The following LRP1B variants were observed in gnomAD, a reference collection of about 807,000 sequenced individuals.
The protein encoded by LRP1B is low-density lipoprotein receptor-related protein 1B.
LRP1B carries 217 observed loss-of-function variants against 556.6 expected under a neutral mutation model. That is an observed-to-expected ratio of 0.39 (90% CI 0.35 to 0.44). The LOEUF (loss-of-function observed/expected upper bound fraction) is 0.44, where lower values mean the gene tolerates loss of function less well. Ranked by LOEUF, LRP1B falls within the 20% of genes least tolerant of loss-of-function variation. The probability of loss-of-function intolerance (pLI) is 1.00; values close to 1 mark genes in which losing one functional copy is unlikely to be tolerated. For synonymous variants in LRP1B, 2,047 were observed against 1,865.8 expected (o/e 1.10, Z -2.50); for missense variants, 5,053 against 5,620.8 (o/e 0.90, Z 3.23).
intron 6 of LRP1B, among the ~76,000 whole-genome samples, chr2:141,205,257 A>G (rs1401313): frequency 0.39 from 58,571 of 152,016 alleles, 11,765 homozygotes; most frequent in East Asian, 0.71. Flanking sequence ...GCTACATTCA[A>G]TATGAGTTCA....
intron 83 of LRP1B, among the ~76,000 whole-genome samples, 165 bp downstream of exon 83, chr2:140,314,770 C>T (rs13012485): frequency 0.019 from 2,922 of 152,122 alleles, 42 homozygotes; most frequent in Middle Eastern, 0.031. Flanking sequence ...CTTTTATATA[C>T]TGAATTTAGA....
intron 2 of LRP1B, among the ~76,000 whole-genome samples, chr2:141,699,090 G>C (rs12622943): frequency 6.6e-6 from 1 of 151,548 alleles, no homozygotes; most frequent in East Asian, 1.9e-4. Flanking sequence ...ATTGGGAAGA[G>C]GTTTCTCTGT....
At chr2:141,558,621 G>T (rs961500418) in intron 2 of LRP1B, among the ~76,000 whole-genome samples, 1 of 151,732 alleles carries the variant, frequency 6.6e-6, no homozygotes, top group Non-Finnish European at 1.5e-5. Context: ...TTGTCCTGTT[G>T]TATCATGACT....
chr2:141,187,350 A>G (rs1457259812), intron 7 of LRP1B, among the ~76,000 whole-genome samples: 2 of 152,090 alleles, frequency 1.3e-5, no homozygotes, highest in East Asian at 1.9e-4. Flanking sequence ...AAGAGTGACG[A>G]AAGTCCACAT....
At chr2:140,384,910 T>G (rs1283228090) in intron 67 of LRP1B, among the ~76,000 whole-genome samples, 1 of 152,220 alleles carries the variant, frequency 6.6e-6, no homozygotes, top group Non-Finnish European at 1.5e-5. Context: ...TTAAACATGC[T>G]TGTATAGCTT....
chr2:140,288,274 C>G (rs571769816), intron 84 of LRP1B, among the ~76,000 whole-genome samples: 1 of 151,280 alleles, frequency 6.6e-6, no homozygotes, highest in Non-Finnish European at 1.5e-5. Flanking sequence ...GAGGTTATAT[C>G]TTTTATATAA....
intron 2 of LRP1B, among the ~76,000 whole-genome samples, chr2:141,610,294 GTAT>G (rs1688062495): frequency 2.1e-5 from 3 of 145,360 alleles, no homozygotes; most frequent in Admixed American, 7.0e-5. Context: ...CTGTGCACAT[GTAT>G]TATTATACTT....
intron 2 of LRP1B, 73 bp downstream of exon 2, chr2:141,810,206 A>G (rs991050673): frequency 2.8e-5 from 40 of 1,436,112 alleles, no homozygotes; most frequent in Non-Finnish European, 3.4e-5. Flanking sequence ...AACAGCAGTC[A>G]TCTGTGAAAA....
At chr2:140,904,925 T>G (rs972572956) in intron 22 of LRP1B, among the ~76,000 whole-genome samples, 1 of 152,098 alleles carries the variant, frequency 6.6e-6, no homozygotes, top group Non-Finnish European at 1.5e-5. Context: ...CTCTTTCTAA[T>G]CCTATCTGTG....
chr2:142,097,020 G>A (rs1320109509), intron 1 of LRP1B, among the ~76,000 whole-genome samples: 3 of 150,050 alleles, frequency 2.0e-5, no homozygotes, highest in African/African-American at 7.3e-5. Context: ...CAGTCCACTG[G>A]ACTATCACAG....
chr2:141,818,597 T>C (rs1485155847), intron 1 of LRP1B, among the ~76,000 whole-genome samples: 2 of 132,234 alleles, frequency 1.5e-5, no homozygotes, highest in African/African-American at 5.7e-5. Flanking sequence ...AGTGCAGTGG[T>C]GCGATCTTGG....
chr2:141,222,505 G>A (rs1372933357), intron 6 of LRP1B, among the ~76,000 whole-genome samples: 2 of 152,118 alleles, frequency 1.3e-5, no homozygotes, highest in East Asian at 3.9e-4. Context: ...CTGAAAAGAT[G>A]GGACTCCTCC....
chr2:141,414,013 G>A (rs184930886), intron 3 of LRP1B, among the ~76,000 whole-genome samples: 16 of 152,074 alleles, frequency 1.1e-4, no homozygotes, highest in African/African-American at 2.4e-4. Context: ...GGCGCATCAC[G>A]AGGTCAGAGG....
At chr2:140,310,177 T>A (rs1395054574) in intron 83 of LRP1B, among the ~76,000 whole-genome samples, 1 of 151,836 alleles carries the variant, frequency 6.6e-6, no homozygotes, top group Non-Finnish European at 1.5e-5. Flanking sequence ...TTTGCCACTT[T>A]CTTATTATGC....
chr2:141,573,144 C>T (rs1204190469), intron 2 of LRP1B, among the ~76,000 whole-genome samples: 1 of 152,192 alleles, frequency 6.6e-6, no homozygotes, highest in Admixed American at 6.6e-5. Flanking sequence ...ATAGACTATA[C>T]ATTCTTCTTA....
chr2:140,233,256 C>T lies in LRP1B; in HGVS notation c.13730G>A (p.Gly4577Glu). 5.0e-6 allele frequency: 8 copies of T among 1,605,456 alleles called. No individual in the cohort carries two copies. The highest frequency in any genetic ancestry group is 6.8e-6 in the Non-Finnish European group (8 of 1,174,220). ...CAGTTCTTTCCTTTCATCAACACTT[C>T]CTAAGGAGTTTCGACAGTTTTGCCC... Reference protein sequence around the residue: ...MDGQNCRNSLGSVDERKELLP... With the variant: ...MDGQNCRNSLESVDERKELLP... The change falls in exon 91 of 91, where the codon GGA becomes GAA. Residue 4577 changes from glycine (G) to glutamate (E), a missense_variant. Transcript: ENST00000389484.
Position 141,297,189 on chromosome 2 carries a change from T to C in LRP1B, c.344-42548A>G, listed in dbSNP as rs111654009. 2.5e-3 allele frequency among the ~76,000 whole-genome samples: 375 copies of C among 152,290 alleles called. 4 individuals are homozygous for C. Among genetic ancestry groups the C allele is most frequent in the African/African-American group, 8.3e-3 (343 of 41,562 alleles). On this transcript the variant is annotated intron_variant, in intron 3 of 90. Transcript: ENST00000389484. ...CATATGAGTGCATGTGTCTTTTCGG[T>C]AGAACAATTTATTTTCCTTTGGGTA...
chr2:140,380,247 G>A (rs952286944), intron 67 of LRP1B, among the ~76,000 whole-genome samples: 5 of 151,994 alleles, frequency 3.3e-5, no homozygotes, highest in African/African-American at 4.8e-5. Context: ...CAGATACCAG[G>A]GCCTGTACTT....
chr2:141,218,385 A>G (rs1037344382), intron 6 of LRP1B, among the ~76,000 whole-genome samples: 2 of 152,208 alleles, frequency 1.3e-5, no homozygotes, highest in African/African-American at 4.8e-5. Flanking sequence ...GAGTCAACCT[A>G]GGTGCCCATC....
Sources: allele counts gnomAD v4.1 joint callset (sites outside exome capture counted in the v4.1 genomes callset), GRCh38; gene constraint gnomAD v4.1.1; transcripts MANE v1.5; gene names NCBI Gene and HGNC (gene_info 2026-07-23, HGNC 2026-07-21).